Variants in CELF2 observed in about 807,000 individuals in gnomAD.
CELF2 encodes the protein CUGBP Elav-like family member 2.
In CELF2, 8 loss-of-function variants were observed where a neutral mutation model predicts 62.6. The ratio of observed to expected loss-of-function variants is 0.13; its 90% CI spans 0.07 to 0.23. CELF2 has a LOEUF of 0.23. Ranked by LOEUF, CELF2 falls within the 10% of genes least tolerant of loss-of-function variation. The pLI is 1.00. For missense variants in CELF2, 333 were observed against 671.0 expected (o/e 0.50, Z 5.56); for synonymous variants, 258 against 250.0 (o/e 1.03, Z -0.30).
the CELF2 span, among the ~76,000 whole-genome samples, chr10:10,493,707 T>C: frequency 1.3e-5 from 2 of 151,988 alleles, no homozygotes; most frequent in Non-Finnish European, 2.9e-5. Flanking sequence ...AATTTTTGTA[T>C]GTTTTGTAGA....
intron 4 of CELF2, among the ~76,000 whole-genome samples, chr10:11,252,206 C>G (rs1323058553): frequency 6.6e-6 from 1 of 152,190 alleles, no homozygotes; most frequent in African/African-American, 2.4e-5. Flanking sequence ...AAGCCACAAG[C>G]CTTTTCTAAT....
chr10:10,838,078 G>A (rs924738932), intron 1 of CELF2, among the ~76,000 whole-genome samples: 10 of 152,048 alleles, frequency 6.6e-5, no homozygotes, highest in South Asian at 2.1e-4. Context: ...TTAGTGTCAC[G>A]TTTCCTTGGG....
rs140562123 is a variant in CELF2 at position 11,065,672 on chromosome 10, G to A, written c.74+47509G>A. On this transcript the variant is annotated intron_variant, in intron 1 of 12. Transcript: ENST00000633077. ...TATTCCTTCAAAACATGTTTATGGA[G>A]CATCAGTGAACAAGACAGACAAACC... Among the ~76,000 whole-genome samples, 119 of 151,034 alleles carry A rather than the reference G, an allele frequency of 7.9e-4. 2 individuals carry two copies. The highest frequency in any genetic ancestry group is 1.5e-3 in the Non-Finnish European group (101 of 67,944).
chr10:11,219,003 T>C (rs934128002), intron 3 of CELF2, among the ~76,000 whole-genome samples: 2 of 152,244 alleles, frequency 1.3e-5, no homozygotes, highest in Admixed American at 1.3e-4. Flanking sequence ...ATTTCTTCTT[T>C]TAAAAACAAA....
chr10:10,924,281 C>CAAAAAAAAAAAAAAA (rs11415164), intron 2 of CELF2, among the ~76,000 whole-genome samples: 2 of 45,102 alleles, frequency 4.4e-5, no homozygotes, highest in Non-Finnish European at 8.0e-5. Context: ...GACTCCGTCC[C>CAAAAAAAAAAAAAAA]AAAAAAAAAA....
chr10:10,781,255 T>C, the CELF2 span, among the ~76,000 whole-genome samples: 1 of 152,208 alleles, frequency 6.6e-6, no homozygotes, highest in African/African-American at 2.4e-5. Context: ...TTTAAATACA[T>C]TTAGATACAC....
the CELF2 span, among the ~76,000 whole-genome samples, chr10:10,586,812 A>G: frequency 6.6e-6 from 1 of 152,170 alleles, no homozygotes; most frequent in South Asian, 2.1e-4. Flanking sequence ...TGGCCCATTA[A>G]TGTGTATTTT....
At chr10:10,631,192 T>C in the CELF2 span, among the ~76,000 whole-genome samples, 1 of 152,204 alleles carries the variant, frequency 6.6e-6, no homozygotes, top group African/African-American at 2.4e-5. Context: ...TGGAAGACTT[T>C]AGAATTAACA....
chr10:10,569,551 T>C, the CELF2 span, among the ~76,000 whole-genome samples: 3 of 152,126 alleles, frequency 2.0e-5, no homozygotes, highest in Non-Finnish European at 4.4e-5. Flanking sequence ...AAGGATAAAA[T>C]ATATTTTAAT....
intron 1 of CELF2, among the ~76,000 whole-genome samples, chr10:11,044,840 T>C (rs2062530179): frequency 6.6e-6 from 1 of 152,240 alleles, no homozygotes; most frequent in Non-Finnish European, 1.5e-5. Context: ...ATCTAAAACA[T>C]GATACCACAA....
chr10:10,964,364 T>A (rs2049887929), intron 2 of CELF2, among the ~76,000 whole-genome samples: 1 of 152,220 alleles, frequency 6.6e-6, no homozygotes, highest in African/African-American at 2.4e-5. Flanking sequence ...GGGGGTAAAC[T>A]GGCCACTTTT....
the CELF2 span, among the ~76,000 whole-genome samples, chr10:10,476,413 C>T: frequency 6.6e-6 from 1 of 152,064 alleles, no homozygotes; most frequent in African/African-American, 2.4e-5. Context: ...AGAATGGTAA[C>T]AGTATTATGA....
the CELF2 span, among the ~76,000 whole-genome samples, chr10:10,484,983 G>A: frequency 3.9e-5 from 6 of 152,166 alleles, no homozygotes; most frequent in East Asian, 1.2e-3. Flanking sequence ...TGAGCAGCTT[G>A]TACTTTATAT....
chr10:10,899,980 C>G (rs2062824559), intron 1 of CELF2, among the ~76,000 whole-genome samples: 1 of 152,154 alleles, frequency 6.6e-6, no homozygotes, highest in African/African-American at 2.4e-5. Context: ...AGAGCCAACC[C>G]CTGTTTTAAA....
At chr10:11,153,034 T>A (rs758183362) in intron 1 of CELF2, among the ~76,000 whole-genome samples, 1 of 152,214 alleles carries the variant, frequency 6.6e-6, no homozygotes, top group Non-Finnish European at 1.5e-5. Context: ...TGGACCACAT[T>A]ACAAGAAAAA....
At chr10:10,526,220 A>T in the CELF2 span, among the ~76,000 whole-genome samples, 1 of 152,178 alleles carries the variant, frequency 6.6e-6, no homozygotes, top group Non-Finnish European at 1.5e-5. Flanking sequence ...TCAAACTATC[A>T]CTGCAAAGAT....
chr10:10,737,476 A>C, the CELF2 span, among the ~76,000 whole-genome samples: 1 of 152,142 alleles, frequency 6.6e-6, no homozygotes, highest in Non-Finnish European at 1.5e-5. Flanking sequence ...ACTAGCAGAA[A>C]ATTGTCTGGG....
At position 11,244,855 on chromosome 10, in the gene CELF2, A is replaced by G. The variant is rs1214584158; in HGVS notation, c.355-4298A>G. ...TGAGGATTGCTTTGAGAATGAATGC[A>G]GACATAGCTTCATCTGAGACGCCTT... On this transcript the variant is annotated intron_variant, in intron 3 of 12. Transcript: ENST00000633077. The surrounding 1 kb of genome is among the most constrained non-coding windows in gnomAD (Gnocchi z 4.2). Among the ~76,000 whole-genome samples, 1 of 152,210 alleles carries G rather than the reference A, an allele frequency of 6.6e-6. No individual in the cohort carries two copies. The highest frequency in any genetic ancestry group is 1.5e-5 in the Non-Finnish European group (1 of 68,032).
chr10:10,963,697 A>G (rs946806585), intron 2 of CELF2, among the ~76,000 whole-genome samples: 1 of 152,218 alleles, frequency 6.6e-6, no homozygotes, highest in Admixed American at 6.5e-5. Flanking sequence ...AACTGGATTT[A>G]GTTTACGGCT....
Sources: allele counts gnomAD v4.1 joint callset (sites outside exome capture counted in the v4.1 genomes callset), GRCh38; gene constraint gnomAD v4.1.1; non-coding constraint Gnocchi (gnomAD v3.1); transcripts MANE v1.5; gene names NCBI Gene and HGNC (gene_info 2026-07-23, HGNC 2026-07-21).